The following BBS9 variants were observed in gnomAD, a reference collection of about 807,000 sequenced individuals.
The protein encoded by BBS9 is Bardet-Biedl syndrome 9.
A neutral mutation model predicts 117.7 loss-of-function variants in BBS9; 89 were observed. The ratio of observed to expected loss-of-function variants is 0.76; its 90% CI spans 0.64 to 0.90. The LOEUF is 0.90. Ranked by LOEUF, BBS9 falls within the 40% of genes least tolerant of loss-of-function variation. The pLI is 0.00. For synonymous variants in BBS9, 379 were observed against 370.9 expected (o/e 1.02, Z -0.25); for missense variants, 982 against 1,042.2 (o/e 0.94, Z 0.80).
Position 33,605,368 on chromosome 7 carries a change from G to T in BBS9, c.*142G>T, listed in dbSNP as rs900590302. On this transcript the variant is annotated 3_prime_UTR_variant, in exon 23 of 23. Coordinates refer to ENST00000242067, the MANE Select transcript of BBS9 (RefSeq NM_198428.3). ...CTGGAGATGACATGCATAGAAAGAGGGGTTGGGACTTTTTACTTCACTAGG... is the reference window on the plus strand; with the variant it reads ...CTGGAGATGACATGCATAGAAAGAGTGGTTGGGACTTTTTACTTCACTAGG... The T allele has an allele frequency of 5.7e-6, 5 of 873,142 alleles. No homozygotes were observed. The highest frequency in any genetic ancestry group is 2.5e-5 in the East Asian group (1 of 40,400). The allele number at this position is 873,142 out of a possible 1,614,324, so 54.1% of individuals were successfully genotyped here. A position where few individuals can be genotyped will look rare whatever the true frequency, so the allele number is the denominator to read the frequency against.
intron 21 of BBS9, among the ~76,000 whole-genome samples, chr7:33,550,001 G>T (rs952976407): frequency 9.9e-5 from 15 of 152,210 alleles, no homozygotes; most frequent in African/African-American, 3.6e-4. Flanking sequence ...TATTCCAGCA[G>T]ATTCTGGCTC....
At chr7:33,327,208 A>G (rs978883938) in intron 9 of BBS9, among the ~76,000 whole-genome samples, 6 of 152,162 alleles carry the variant, frequency 3.9e-5, no homozygotes, top group African/African-American at 1.2e-4. Context: ...GAAAATGAAA[A>G]TGAGGTGGAG....
chr7:33,367,258 CT>C (rs1563072161), intron 16 of BBS9, among the ~76,000 whole-genome samples: 2 of 152,026 alleles, frequency 1.3e-5, no homozygotes, highest in Admixed American at 1.3e-4. Context: ...AGTATTGATT[CT>C]CTAGGATCAT....
At chr7:33,294,617 A>G (rs1446975403) in intron 9 of BBS9, among the ~76,000 whole-genome samples, 1 of 152,198 alleles carries the variant, frequency 6.6e-6, no homozygotes, top group Non-Finnish European at 1.5e-5. Context: ...CTTTAATGTG[A>G]TATCTTAGAG....
At chr7:33,510,051 TG>T (rs932789549) in intron 20 of BBS9, among the ~76,000 whole-genome samples, 7 of 152,140 alleles carry the variant, frequency 4.6e-5, no homozygotes, top group African/African-American at 1.7e-4. Context: ...CCCCTTTTCA[TG>T]ACAGAAGAAC....
At chr7:33,227,211 G>A (rs2128248838) in intron 5 of BBS9, among the ~76,000 whole-genome samples, 1 of 151,396 alleles carries the variant, frequency 6.6e-6, no homozygotes, top group East Asian at 1.9e-4. Context: ...CCAGGCTGGA[G>A]TTCTCAGCTC....
chr7:33,183,316 A>G (rs1186595814), intron 5 of BBS9, among the ~76,000 whole-genome samples: 1 of 152,130 alleles, frequency 6.6e-6, no homozygotes, highest in Non-Finnish European at 1.5e-5. Context: ...GACAAAATGG[A>G]GAAAATTCAG....
chr7:33,405,688 GTATCC>G (rs1563129187), intron 19 of BBS9, among the ~76,000 whole-genome samples: 1 of 151,644 alleles, frequency 6.6e-6, no homozygotes, highest in Non-Finnish European at 1.5e-5. Context: ...ATCGGTGGTG[GTATCC>G]CTTTTATCAT....
intron 9 of BBS9, among the ~76,000 whole-genome samples, chr7:33,308,731 C>A (rs544215391): frequency 6.6e-6 from 1 of 152,128 alleles, no homozygotes; most frequent in Non-Finnish European, 1.5e-5. Context: ...AAAATGCAAA[C>A]CCACATCAGT....
At chr7:33,299,872 T>A (rs1806019974) in intron 9 of BBS9, among the ~76,000 whole-genome samples, 1 of 152,148 alleles carries the variant, frequency 6.6e-6, no homozygotes, top group Admixed American at 6.5e-5. Flanking sequence ...TGTTTTTGAC[T>A]TTAGTGTTGG....
At chr7:33,449,883 C>T (rs1274358992) in intron 19 of BBS9, among the ~76,000 whole-genome samples, 2 of 152,078 alleles carry the variant, frequency 1.3e-5, no homozygotes, top group East Asian at 3.9e-4. Context: ...AAGACACACA[C>T]GACATAAAAT....
chr7:33,178,076 AC>A (rs1047352448), intron 5 of BBS9, among the ~76,000 whole-genome samples: 6 of 152,178 alleles, frequency 3.9e-5, no homozygotes, highest in African/African-American at 1.2e-4. Flanking sequence ...TCACTGCTCT[AC>A]CTGCTACAGG....
rs983962174 is a variant in BBS9, at chr7:33,439,822, C to T, written c.2115+51678C>T. Among the ~76,000 whole-genome samples, 8 of 152,210 alleles carry T rather than the reference C, an allele frequency of 5.3e-5. No individual in the cohort carries two copies. In the East Asian group the frequency reaches 7.7e-4, roughly 15 times the overall value. ...GATTACAGGCGTGAGCCACTGCGCC[C>T]GGCCTTTTATCAATTGTTAAAGGAA... On this transcript the variant is annotated intron_variant, in intron 19 of 22. Coordinates refer to ENST00000242067, the MANE Select transcript of BBS9 (RefSeq NM_198428.3).
In BBS9 at chr7:33,475,157, A is replaced by T. The variant is rs1841625137; in HGVS notation, c.2116-30306A>T. ...AGACAGTAAATATTTTATGCTTTGC[A>T]GTCTATCTGGTCTCTGTTGCAACTA... On this transcript the variant is annotated intron_variant, in intron 19 of 22. Transcript: ENST00000242067. Among the ~76,000 whole-genome samples, 8 of 152,338 alleles carry T rather than the reference A, an allele frequency of 5.3e-5. No homozygotes were observed. In the South Asian group the frequency reaches 1.7e-3, roughly 32 times the overall value.
intron 12 of BBS9, among the ~76,000 whole-genome samples, chr7:33,347,666 A>G (rs989405833): frequency 3.9e-5 from 6 of 152,102 alleles, no homozygotes; most frequent in African/African-American, 1.4e-4. Context: ...CTTAAAATTA[A>G]TACATTTACT....
chr7:33,280,300 A>G (rs1445210757), intron 9 of BBS9, among the ~76,000 whole-genome samples: 1 of 152,180 alleles, frequency 6.6e-6, no homozygotes, highest in Non-Finnish European at 1.5e-5. Flanking sequence ...GTACCCAATA[A>G]GTAGGTGTTC....
intron 17 of BBS9, among the ~76,000 whole-genome samples, chr7:33,374,901 CAA>C (rs954530141): frequency 2.2e-4 from 14 of 64,500 alleles, no homozygotes; most frequent in South Asian, 1.2e-3. Context: ...AACTCCGTCT[CAA>C]AAAAAAAAAA....
intron 4 of BBS9, among the ~76,000 whole-genome samples, chr7:33,176,156 G>A (rs1004995): frequency 1 from 152,161 of 152,282 alleles, 76,020 homozygotes; most frequent in Middle Eastern, 1. Context: ...TTTCCGGCTA[G>A]TTCCCTGTGT....
intron 17 of BBS9, among the ~76,000 whole-genome samples, chr7:33,381,343 G>C (rs944295781): frequency 6.6e-6 from 1 of 152,128 alleles, no homozygotes; most frequent in Non-Finnish European, 1.5e-5. Context: ...CTGCTATCAG[G>C]CTCTCTTTCC....
Sources: gnomAD v4.1 joint callset for allele counts (sites outside exome capture counted in the v4.1 genomes callset) on GRCh38, gnomAD v4.1.1 for gene constraint, MANE v1.5 for transcripts, NCBI Gene and HGNC (gene_info 2026-07-23, HGNC 2026-07-21) for gene names.